The following HSD17B6 variants were observed in gnomAD, a reference collection of about 807,000 sequenced individuals.
HSD17B6 encodes hydroxysteroid 17-beta dehydrogenase 6, also known as 17-beta-hydroxysteroid dehydrogenase type 6.
Under a neutral mutation model 26.4 loss-of-function variants are expected in HSD17B6, and 16 were observed. The ratio of observed to expected loss-of-function variants is 0.61; its 90% CI spans 0.41 to 0.92. HSD17B6 has a LOEUF of 0.92. HSD17B6 is among the 40% of genes least tolerant of loss of function. HSD17B6 has a pLI of 0.00. For missense variants in HSD17B6, 357 were observed against 386.1 expected (o/e 0.92, Z 0.63); for synonymous variants, 139 against 153.0 (o/e 0.91, Z 0.68).
chr12:56,781,940 A>G (rs2137925189), intron 2 of HSD17B6, 34 bp from the exon 3 acceptor site: 1 of 1,596,066 alleles, frequency 6.3e-7, no homozygotes, highest in South Asian at 1.1e-5. Flanking sequence ...TTTGCCTGAA[A>G]CCAAACTCCT....
At chr12:56,787,099 A>T in intron 4 of HSD17B6, 26 bp from the exon 5 acceptor site, 1 of 1,523,110 alleles carries the variant, frequency 6.6e-7, no homozygotes, top group Non-Finnish European at 9.1e-7. Context: ...AAGATTGTTG[A>T]CCACCATTTC....
chr12:56,774,315 G>A, intron 2 of HSD17B6, 150 bp downstream of exon 2: 1 of 670,158 alleles, frequency 1.5e-6, no homozygotes, highest in East Asian at 2.8e-5. Flanking sequence ...ATAAAATAGT[G>A]CAGTATTTGG....
chr12:56,770,795 C>T (rs969484027), intron 1 of HSD17B6, among the ~76,000 whole-genome samples: 2 of 152,104 alleles, frequency 1.3e-5, no homozygotes, highest in Non-Finnish European at 1.5e-5. Context: ...TTCTGTTAGA[C>T]CATGGGGCAG....
At chr12:56,771,631 G>T (rs563298873) in intron 1 of HSD17B6, among the ~76,000 whole-genome samples, 42 of 151,980 alleles carry the variant, frequency 2.8e-4, no homozygotes, top group Non-Finnish European at 7.4e-5. Context: ...GCTAATTTTT[G>T]TATTTTTGTA....
intron 2 of HSD17B6, among the ~76,000 whole-genome samples, chr12:56,781,615 A>T (rs1954714870): frequency 6.6e-6 from 1 of 152,176 alleles, no homozygotes; most frequent in African/African-American, 2.4e-5. Context: ...CATCCTAGCC[A>T]ACATGGTGAA....
At chr12:56,785,051 CCCTG>C (rs1954847456) in intron 4 of HSD17B6, 35 bp downstream of exon 4, 1 of 1,579,118 alleles carries the variant, frequency 6.3e-7, no homozygotes, top group African/African-American at 1.4e-5. Flanking sequence ...ATAATGGGTA[CCCTG>C]TATTAGTCCA....
intron 1 of HSD17B6, among the ~76,000 whole-genome samples, chr12:56,767,783 GTA>G (rs1954373418): frequency 7.0e-6 from 1 of 143,608 alleles, no homozygotes; most frequent in Admixed American, 7.2e-5. Flanking sequence ...TGTATATTAT[GTA>G]TATATAATAT....
At chr12:56,776,305 T>C (rs1170770254) in intron 2 of HSD17B6, among the ~76,000 whole-genome samples, 1 of 30,522 alleles carries the variant, frequency 3.3e-5, no homozygotes, top group Non-Finnish European at 5.7e-5. Flanking sequence ...ATGTCTTGCC[T>C]TTTTTTTTTT....
Position 56,781,971 on chromosome 12 carries a change from T to C in HSD17B6, c.314-3T>C, listed in dbSNP as rs1954723800. 6.2e-7 allele frequency: 1 copy of C among 1,613,164 alleles called. No homozygotes were observed. Among genetic ancestry groups the C allele is most frequent in the Non-Finnish European group, 8.5e-7 (1 of 1,179,376 alleles). ...CTCCTGATATGACTTTTAATTGTTT[T>C]AGGACTCTGGGGACTGGTGAACAAT... On this transcript the variant is annotated splice_region_variant and splice_polypyrimidine_tract_variant and intron_variant, in intron 2 of 4. Coordinates refer to ENST00000322165, the MANE Select transcript of HSD17B6 (RefSeq NM_003725.4).
chr12:56,780,044 C>T (rs961515633), intron 2 of HSD17B6, among the ~76,000 whole-genome samples: 6 of 152,144 alleles, frequency 3.9e-5, no homozygotes, highest in African/African-American at 1.4e-4. Context: ...CTTCTGTCTC[C>T]TGTTGTTCAT....
At chr12:56,782,787 T>G (rs1463877263) in intron 3 of HSD17B6, among the ~76,000 whole-genome samples, 1 of 152,028 alleles carries the variant, frequency 6.6e-6, no homozygotes, top group Non-Finnish European at 1.5e-5. Context: ...TCTCTGGTTT[T>G]CCTAGGCAGA....
intron 1 of HSD17B6, among the ~76,000 whole-genome samples, chr12:56,771,351 C>T (rs982224939): frequency 6.6e-6 from 1 of 151,972 alleles, no homozygotes; most frequent in Non-Finnish European, 1.5e-5. Flanking sequence ...AATGATGGGA[C>T]CTGTCTTGTA....
intron 1 of HSD17B6, among the ~76,000 whole-genome samples, chr12:56,772,719 A>G (rs984646542): frequency 1.8e-4 from 28 of 151,774 alleles, no homozygotes; most frequent in Admixed American, 8.6e-4. Flanking sequence ...AAAAAGAAAA[A>G]AAAAAGAGTG....
chr12:56,765,569 C>G (rs1389056058), intron 1 of HSD17B6, among the ~76,000 whole-genome samples: 3 of 152,000 alleles, frequency 2.0e-5, no homozygotes, highest in South Asian at 2.1e-4. Flanking sequence ...GCAATCATGG[C>G]TCACTGCAAC....
chr12:56,787,124 G>A lies in HSD17B6; in HGVS notation c.737-1G>A. 1 of 1,609,680 alleles carries A rather than the reference G, an allele frequency of 6.2e-7. No homozygotes were observed. Among genetic ancestry groups the A allele is most frequent in the Non-Finnish European group, 8.5e-7 (1 of 1,176,102 alleles). On this transcript the variant is annotated splice_acceptor_variant, in intron 4 of 4. Transcript: ENST00000322165. LOFTEE classifies it high-confidence loss of function. Reference sequence around the variant, plus strand: ...ACCACCATTTCTTTTTTTGTATACAGTTTACAATATCATGAAGGAAGGGCT... The same window carrying A: ...ACCACCATTTCTTTTTTTGTATACAATTTACAATATCATGAAGGAAGGGCT...
At position 56,779,087 on chromosome 12, in the gene HSD17B6, A is replaced by AT. The variant is rs35988358; in HGVS notation, c.314-2876dup. ...ATATAAAAACTAATCCAATCTGACA[A>AT]TTTTTTTTTTTAGTAGAACATTTCT... On this transcript the variant is annotated intron_variant, in intron 2 of 4. Transcript: ENST00000322165. 3.6e-4 allele frequency among the ~76,000 whole-genome samples: 54 copies of AT among 149,792 alleles called. No homozygotes were observed. In the South Asian group the frequency reaches 3.8e-3, roughly 11 times the overall value.
At chr12:56,780,057 C>G (rs755086727) in intron 2 of HSD17B6, among the ~76,000 whole-genome samples, 29 of 152,288 alleles carry the variant, frequency 1.9e-4, no homozygotes, top group Non-Finnish European at 3.2e-4. Context: ...TTGTTCATGT[C>G]TTGATAAGTC....
chr12:56,765,143 A>C (rs758516928), intron 1 of HSD17B6, among the ~76,000 whole-genome samples: 2 of 151,962 alleles, frequency 1.3e-5, no homozygotes, highest in Non-Finnish European at 2.9e-5. Flanking sequence ...TATTTAAGAA[A>C]ATTTTTTTTT....
chr12:56,781,857 C>CT, intron 2 of HSD17B6, 117 bp from the exon 3 acceptor site: 2 of 1,060,568 alleles, frequency 1.9e-6, no homozygotes, highest in Non-Finnish European at 2.8e-6. Flanking sequence ...GCTGCAAACT[C>CT]TCATGGGGGT....
Sources: allele counts gnomAD v4.1 joint callset (sites outside exome capture counted in the v4.1 genomes callset), GRCh38; gene constraint gnomAD v4.1.1; transcripts MANE v1.5; gene names NCBI Gene and HGNC (gene_info 2026-07-23, HGNC 2026-07-21).